MMADHC: variants seen among roughly 807,000 people sequenced by gnomAD.
MMADHC encodes metabolism of cobalamin associated D, also known as cobalamin trafficking protein CblD.
A neutral mutation model predicts 36.3 loss-of-function variants in MMADHC; 23 were observed. The ratio of observed to expected loss-of-function variants is 0.63; its 90% CI spans 0.46 to 0.90. The LOEUF (loss-of-function observed/expected upper bound fraction) is 0.90, where lower values mean the gene tolerates loss of function less well. Ranked by LOEUF, MMADHC falls within the 40% of genes least tolerant of loss-of-function variation. The pLI is 0.00. For missense variants in MMADHC, 330 were observed against 348.0 expected (o/e 0.95, Z 0.41); for synonymous variants, 97 against 116.1 (o/e 0.84, Z 1.06).
intron 2 of MMADHC, among the ~76,000 whole-genome samples, chr2:149,583,755 T>A (rs1042381325): frequency 2.2e-4 from 34 of 152,164 alleles, no homozygotes; most frequent in African/African-American, 7.5e-4. Flanking sequence ...TCACTATGAG[T>A]GCATCTTAAC....
intron 3 of MMADHC, among the ~76,000 whole-genome samples, chr2:149,580,949 T>C (rs930842805): frequency 1.3e-5 from 2 of 152,212 alleles, no homozygotes; most frequent in Non-Finnish European, 2.9e-5. Context: ...ATGCAGATCA[T>C]GTTGAATAAC....
chr2:149,586,784 T>TA (rs1682876208), intron 2 of MMADHC: 3 of 374,296 alleles, frequency 8.0e-6, no homozygotes, highest in East Asian at 4.5e-5. Context: ...ACCCAAAAGC[T>TA]AAAAAAGGGC....
At position 149,579,384 on chromosome 2, in the gene MMADHC, T is replaced by A. The variant is rs746388949; in HGVS notation, c.372+47A>T. 2.7e-6 allele frequency: 4 copies of A among 1,507,578 alleles called. No individual in the cohort carries two copies. The African/African-American group carries it at 5.5e-5, about 21-fold the overall frequency. 93.4% of individuals were successfully genotyped at this position (1,507,578 alleles called of 1,614,324 possible). A position where few individuals can be genotyped will look rare whatever the true frequency, so the allele number is the denominator to read the frequency against. ...ATATGCTTATAATAATCAAGTCATA[T>A]AGCATTAATAATCAGGAAAGCACAA... is the stretch of plus-strand genomic sequence containing the variant. On this transcript the variant is annotated intron_variant, in intron 4 of 7. Coordinates refer to ENST00000303319, the MANE Select transcript of MMADHC (RefSeq NM_015702.3).
intron 4 of MMADHC, among the ~76,000 whole-genome samples, chr2:149,578,282 T>G (rs943381904): frequency 6.6e-6 from 1 of 152,184 alleles, no homozygotes; most frequent in Non-Finnish European, 1.5e-5. Flanking sequence ...TTTTATATTA[T>G]TTATAGTGAT....
chr2:149,570,221 T>C lies in MMADHC; in HGVS notation c.697-53A>G, dbSNP rs941469525. 3.4e-6 allele frequency: 5 copies of C among 1,450,908 alleles called. No homozygotes were observed. The African/African-American group carries it at 7.1e-5, about 20-fold the overall frequency. 89.9% of individuals were successfully genotyped at this position (1,450,908 alleles called of 1,614,324 possible). On this transcript the variant is annotated intron_variant, in intron 7 of 7. Transcript: ENST00000303319. ...ATTAGTAAGAAAGACATTTTAGTAA[T>C]AATTTTTAGGTAAACATGAACACCT...
At position 149,587,086 on chromosome 2, in the gene MMADHC, C is replaced by T; in HGVS notation, c.9+3G>A. On this transcript the variant is annotated splice_donor_region_variant and intron_variant, in intron 2 of 7. Coordinates refer to ENST00000303319, the MANE Select transcript of MMADHC (RefSeq NM_015702.3). ...GCTGATTCTTAAGAGATAATTTACT[C>T]ACATTGGCCATCTCCGCTGGAGAAG... 1 of 1,613,898 alleles carries T rather than the reference C, an allele frequency of 6.2e-7. No homozygotes were observed.
At chr2:149,578,687 A>G (rs1682750763) in intron 4 of MMADHC, among the ~76,000 whole-genome samples, 1 of 152,164 alleles carries the variant, frequency 6.6e-6, no homozygotes, top group African/African-American at 2.4e-5. Context: ...ATTATCTGAG[A>G]TAAAAATATA....
intron 2 of MMADHC, among the ~76,000 whole-genome samples, chr2:149,582,881 A>G (rs1682814194): frequency 6.6e-6 from 1 of 151,838 alleles, no homozygotes; most frequent in Non-Finnish European, 1.5e-5. Context: ...ATTTTTTAAC[A>G]ATCTTTCATT....
At chr2:149,587,400 G>C (rs1682889651) in intron 1 of MMADHC, 1 of 500,126 alleles carries the variant, frequency 2.0e-6, no homozygotes, top group South Asian at 2.3e-5. Context: ...AGATCCGGGA[G>C]GGGAATGGGG....
intron 2 of MMADHC, among the ~76,000 whole-genome samples, chr2:149,585,023 CAA>C (rs1243460538): frequency 1.8e-5 from 2 of 109,992 alleles, no homozygotes; most frequent in Admixed American, 1.1e-4. Context: ...GCCTGGGAAA[CAA>C]GAGTGAAACT....
At chr2:149,587,347 C>T (rs914140597) in intron 1 of MMADHC, 198 bp from the exon 2 acceptor site, 1 of 576,466 alleles carries the variant, frequency 1.7e-6, no homozygotes, top group African/African-American at 1.9e-5. Flanking sequence ...CAGTGCAGCT[C>T]AGAGCCCTTC....
chr2:149,573,185 A>G (rs1031214838), intron 6 of MMADHC, among the ~76,000 whole-genome samples: 5 of 152,256 alleles, frequency 3.3e-5, no homozygotes, highest in African/African-American at 1.2e-4. Flanking sequence ...CCAAACCACA[A>G]TGGGGTCACT....
chr2:149,578,799 T>G (rs1445068173), intron 4 of MMADHC, among the ~76,000 whole-genome samples: 1 of 151,864 alleles, frequency 6.6e-6, no homozygotes, highest in Non-Finnish European at 1.5e-5. Context: ...AAACTCAGCC[T>G]AAAACTATGC....
At chr2:149,585,989 C>T (rs1682863918) in intron 2 of MMADHC, among the ~76,000 whole-genome samples, 1 of 152,106 alleles carries the variant, frequency 6.6e-6, no homozygotes, top group African/African-American at 2.4e-5. Context: ...TTTGAAAGTA[C>T]CACATACTTC....
rs920354468 is a variant in MMADHC at position 149,570,249 on chromosome 2, C to G, written c.697-81G>C. 9.6e-6 allele frequency: 11 copies of G among 1,145,628 alleles called. No individual in the cohort carries two copies. In the African/African-American group the frequency reaches 1.1e-4, roughly 11 times the overall value. 71.0% of individuals were successfully genotyped at this position (1,145,628 alleles called of 1,614,324 possible). A position where few individuals can be genotyped will look rare whatever the true frequency, so the allele number is the denominator to read the frequency against. Reference sequence around the variant, plus strand: ...TTTTTAGGTAAACATGAACACCTATCTACTTTAATACTCCAAATATTTAAA... The same window carrying G: ...TTTTTAGGTAAACATGAACACCTATGTACTTTAATACTCCAAATATTTAAA... On this transcript the variant is annotated intron_variant, in intron 7 of 7. Coordinates refer to ENST00000303319, the MANE Select transcript of MMADHC (RefSeq NM_015702.3).
chr2:149,587,021 C>G, intron 2 of MMADHC, 68 bp downstream of exon 2: 4 of 1,488,594 alleles, frequency 2.7e-6, no homozygotes, highest in Non-Finnish European at 3.8e-6. Context: ...ATAATTAAAC[C>G]CGTTCTTTCA....
At chr2:149,581,579 C>A (rs1682794791) in intron 3 of MMADHC, among the ~76,000 whole-genome samples, 1 of 152,000 alleles carries the variant, frequency 6.6e-6, no homozygotes, top group Admixed American at 6.6e-5. Flanking sequence ...ATCCCCCTAC[C>A]CCCACTTTTT....
At chr2:149,570,761 G>A (rs903740577) in intron 7 of MMADHC, among the ~76,000 whole-genome samples, 2 of 151,990 alleles carry the variant, frequency 1.3e-5, no homozygotes, top group African/African-American at 2.4e-5. Context: ...CTTCCTTACA[G>A]AAACTAGACT....
intron 2 of MMADHC, among the ~76,000 whole-genome samples, chr2:149,583,305 C>T (rs116719202): frequency 0.017 from 2,539 of 152,020 alleles, 24 homozygotes; most frequent in Non-Finnish European, 0.028. Flanking sequence ...TAAAAATTTG[C>T]TTGGGAAAAG....
Sources: allele counts gnomAD v4.1 joint callset (sites outside exome capture counted in the v4.1 genomes callset), GRCh38; gene constraint gnomAD v4.1.1; transcripts MANE v1.5; gene names NCBI Gene and HGNC (gene_info 2026-07-23, HGNC 2026-07-21).